The following HPSE2 variants were observed in gnomAD, a reference collection of about 807,000 sequenced individuals.
The protein encoded by HPSE2 is inactive heparanase-2.
Under a neutral mutation model 60.5 loss-of-function variants are expected in HPSE2, and 38 were observed. The observed-to-expected ratio is 0.63, with a 90% CI of 0.48 to 0.82. HPSE2 has a LOEUF of 0.82. Ranked by LOEUF, HPSE2 falls within the 40% of genes least tolerant of loss-of-function variation. The pLI is 0.00. For synonymous variants in HPSE2, 295 were observed against 293.2 expected (o/e 1.01, Z -0.06); for missense variants, 713 against 740.4 (o/e 0.96, Z 0.43).
At chr10:98,843,555 T>C (rs1301680676) in intron 3 of HPSE2, among the ~76,000 whole-genome samples, 1 of 152,218 alleles carries the variant, frequency 6.6e-6, no homozygotes, top group Non-Finnish European at 1.5e-5. Context: ...TTTCAATAAT[T>C]AAGCTACAAC....
intron 3 of HPSE2, among the ~76,000 whole-genome samples, chr10:99,113,543 CAG>C (rs1262004987): frequency 6.6e-6 from 1 of 151,986 alleles, no homozygotes; most frequent in Non-Finnish European, 1.5e-5. Flanking sequence ...ACAGATCAAA[CAG>C]AATTTTAAAT....
chr10:99,002,003 G>T (rs1402684133), intron 3 of HPSE2, among the ~76,000 whole-genome samples: 2 of 151,980 alleles, frequency 1.3e-5, no homozygotes, highest in Admixed American at 6.6e-5. Context: ...GATAATAACT[G>T]TGGCTGTGTT....
At chr10:98,641,366 C>T (rs2134035123) in intron 7 of HPSE2, among the ~76,000 whole-genome samples, 1 of 152,240 alleles carries the variant, frequency 6.6e-6, no homozygotes, top group East Asian at 1.9e-4. Flanking sequence ...GTGGGTGGAT[C>T]ACTCGAGGTC....
chr10:99,077,358 G>C (rs1030159933), intron 3 of HPSE2, among the ~76,000 whole-genome samples: 1 of 152,060 alleles, frequency 6.6e-6, no homozygotes. Context: ...CTCTTGGTCT[G>C]CTTTCATGGA....
chr10:98,676,354 A>G (rs192220919), intron 6 of HPSE2, among the ~76,000 whole-genome samples: 24 of 152,346 alleles, frequency 1.6e-4, no homozygotes, highest in Admixed American at 1.2e-3. Context: ...AGTAAAATCC[A>G]GAAAGATGCA....
intron 3 of HPSE2, among the ~76,000 whole-genome samples, chr10:98,801,772 C>T (rs2134527585): frequency 6.6e-6 from 1 of 152,164 alleles, no homozygotes; most frequent in South Asian, 2.1e-4. Flanking sequence ...ACTACCCAGA[C>T]CAATCTACAG....
intron 9 of HPSE2, among the ~76,000 whole-genome samples, chr10:98,514,714 T>TG (rs1218973284): frequency 3.6e-4 from 5 of 13,888 alleles, no homozygotes; most frequent in African/African-American, 4.0e-4. Context: ...ATACTTTGTT[T>TG]TTTTTTTTTT....
At chr10:99,303,474 G>A in the HPSE2 span, among the ~76,000 whole-genome samples, 4 of 152,068 alleles carry the variant, frequency 2.6e-5, no homozygotes, top group Admixed American at 6.6e-5. Flanking sequence ...CTCCCTGTTC[G>A]ACCAGGAAAC....
chr10:98,909,809 C>T (rs1953930517), intron 3 of HPSE2, among the ~76,000 whole-genome samples: 1 of 151,828 alleles, frequency 6.6e-6, no homozygotes, highest in Non-Finnish European at 1.5e-5. Context: ...AAATAAACAA[C>T]TTAAATGCCA....
chr10:99,251,785 G>A, the HPSE2 span, among the ~76,000 whole-genome samples: 1 of 141,922 alleles, frequency 7.0e-6, no homozygotes, highest in Non-Finnish European at 1.5e-5. Context: ...AGCACTTTAA[G>A]CAGCCAAGGC....
chr10:98,876,693 G>T (rs1312589588), intron 3 of HPSE2, among the ~76,000 whole-genome samples: 2 of 151,768 alleles, frequency 1.3e-5, no homozygotes, highest in Non-Finnish European at 2.9e-5. Context: ...AATATTCAAA[G>T]CATATGAATT....
chr10:99,112,647 T>G (rs1172360544), intron 3 of HPSE2, among the ~76,000 whole-genome samples: 1 of 152,144 alleles, frequency 6.6e-6, no homozygotes, highest in Non-Finnish European at 1.5e-5. Flanking sequence ...AAGTACAATT[T>G]ATCATTTCCT....
intron 3 of HPSE2, among the ~76,000 whole-genome samples, chr10:98,939,674 G>GA (rs1589397537): frequency 7.0e-6 from 1 of 143,320 alleles, no homozygotes; most frequent in East Asian, 2.0e-4. Context: ...ACAGATCAAC[G>GA]AGACAGAAAG....
the HPSE2 span, among the ~76,000 whole-genome samples, chr10:99,294,459 TA>T: frequency 4.8e-5 from 7 of 146,570 alleles, no homozygotes; most frequent in South Asian, 1.5e-3. Context: ...TTAACATATA[TA>T]ATAATATATA....
intron 9 of HPSE2, among the ~76,000 whole-genome samples, chr10:98,587,194 C>T (rs1020124902): frequency 6.6e-6 from 1 of 152,184 alleles, no homozygotes; most frequent in Non-Finnish European, 1.5e-5. Flanking sequence ...ACACTCTGAA[C>T]ATACTTTCAT....
At chr10:99,112,707 T>G (rs1252553256) in intron 3 of HPSE2, among the ~76,000 whole-genome samples, 1 of 152,162 alleles carries the variant, frequency 6.6e-6, no homozygotes, top group Non-Finnish European at 1.5e-5. Context: ...AACTTTATTT[T>G]CAGATTTGTA....
intron 3 of HPSE2, among the ~76,000 whole-genome samples, chr10:98,891,542 G>A (rs1953336295): frequency 6.6e-6 from 1 of 151,808 alleles, no homozygotes; most frequent in South Asian, 2.1e-4. Flanking sequence ...TGGAACTCGT[G>A]GAGTCAAGCA....
rs1158138550 is a variant in HPSE2 at position 98,482,638 on chromosome 10, G to A, written c.1611C>T (p.Ser537=). The change falls in exon 11 of 12, where the codon TCC becomes TCT. Residue 537 remains serine (S), a splice_region_variant and synonymous_variant. Transcript: ENST00000370552. The part of the protein sequence containing the change: ...LQPYGQEGLK[S]KSVQLNGQPL... The stretch of plus-strand genomic sequence containing the variant: ...GCTATTTTCAGGTTGGCACGTACTT[G>A]GACTTTAGGCCCTCCTGCCCATAGG... 2 of 1,613,996 alleles carry A rather than the reference G, an allele frequency of 1.2e-6. No individual in the cohort carries two copies. The highest frequency in any genetic ancestry group is 2.7e-5 in the African/African-American group (2 of 74,896).
intron 3 of HPSE2, among the ~76,000 whole-genome samples, chr10:99,026,395 G>A (rs1957378317): frequency 6.6e-6 from 1 of 151,804 alleles, no homozygotes; most frequent in African/African-American, 2.4e-5. Flanking sequence ...ATGATTAAGG[G>A]GTCAATTTAG....
Sources: gnomAD v4.1 joint callset for allele counts (sites outside exome capture counted in the v4.1 genomes callset) on GRCh38, gnomAD v4.1.1 for gene constraint, MANE v1.5 for transcripts, NCBI Gene and HGNC (gene_info 2026-07-23, HGNC 2026-07-21) for gene names.